Variants in TMPO observed in about 807,000 individuals in gnomAD.
The protein encoded by TMPO is thymopoietin.
In TMPO, 22 loss-of-function variants were observed where a neutral mutation model predicts 45.4. The ratio of observed to expected loss-of-function variants is 0.48; its 90% confidence interval spans 0.35 to 0.69. The LOEUF (loss-of-function observed/expected upper bound fraction) is 0.69, where lower values mean the gene tolerates loss of function less well. Among genes scored for constraint, TMPO ranks in the 30% least tolerant of loss-of-function variants. The pLI, the probability that TMPO is intolerant of heterozygous loss-of-function variation, is 0.01. For synonymous variants in TMPO, 241 were observed against 204.1 expected (o/e 1.18, Z -1.54); for missense variants, 512 against 548.8 (o/e 0.93, Z 0.67).
In TMPO at chr12:98,516,230, C is replaced by T. The variant is rs1401570843; in HGVS notation, c.279+84C>T. 3.1e-6 allele frequency: 4 copies of T among 1,305,926 alleles called. No individual in the cohort carries two copies. The African/African-American group carries it at 6.2e-5, about 20-fold the overall frequency. 80.9% of individuals were successfully genotyped at this position (1,305,926 alleles called of 1,614,324 possible). On this transcript the variant is annotated intron_variant, in intron 1 of 8. Transcript: ENST00000556029. ...GCCGCCGTTTGCAGCCCCTCCCTCC[C>T]GGGCGCCCCCTCGGGCCTCCCAGGT...
intron 1 of TMPO, among the ~76,000 whole-genome samples, chr12:98,518,374 C>T (rs995051349): frequency 4.6e-5 from 7 of 151,812 alleles, no homozygotes; most frequent in Non-Finnish European, 8.8e-5. Context: ...TTACTGCAGC[C>T]TCAAACTCTT....
rs1733972268 is a variant in TMPO at position 98,528,005 on chromosome 12, T to C, written c.399T>C (p.Pro133=). 1.9e-6 allele frequency: 3 copies of C among 1,613,790 alleles called. No homozygotes were observed. Among genetic ancestry groups the C allele is most frequent in the Non-Finnish European group, 2.5e-6 (3 of 1,179,910 alleles). ...QLVKYGVNPG[P]IVGTTRKLYE... ...TGAAATACGGAGTGAATCCTGGTCC[T>C]ATTGTGGGTAAGTTGATAAAATTTC... The change falls in exon 2 of 9, where the codon CCT becomes CCC. Residue 133 remains proline, a synonymous_variant. Transcript: ENST00000556029.
rs1051008185 is a variant in TMPO at position 98,526,807 on chromosome 12, A to G, written c.280-1079A>G. On this transcript the variant is annotated intron_variant, in intron 1 of 8. Coordinates refer to ENST00000556029, the MANE Select transcript of TMPO (RefSeq NM_001032283.3). ...ACCCCGTCTCTACTAAAAGTACAAA[A>G]ATTAGCTGGGCGTGGTGGCGCACAC... 2.6e-5 allele frequency among the ~76,000 whole-genome samples: 4 copies of G among 152,108 alleles called. 1 individual carries two copies. Among genetic ancestry groups the G allele is most frequent in the Admixed American group, 6.5e-5 (1 of 15,278 alleles).
rs562491966 is a variant in TMPO at position 98,518,831 on chromosome 12, CAT to C, written c.279+2688_279+2689del. Among the ~76,000 whole-genome samples, 645 of 151,908 alleles carry C rather than the reference CAT, an allele frequency of 4.2e-3. 11 individuals are homozygous for C. The highest frequency in any genetic ancestry group is 0.022 in the South Asian group (108 of 4,820). On this transcript the variant is annotated intron_variant, in intron 1 of 8. Transcript: ENST00000556029. ...TGTTTATTTACTTGTCTGTCCAACT[CAT>C]ATGTTAATTGAAGTTGGTTAGCATC...
Position 98,544,165 on chromosome 12 carries a change from G to C in TMPO, c.664-65G>C, listed in dbSNP as rs1177905885. The C allele has an allele frequency of 2.5e-6, 4 of 1,582,014 alleles. No individual in the cohort carries two copies. In the East Asian group the frequency reaches 6.8e-5, roughly 27 times the overall value. On this transcript the variant is annotated intron_variant, in intron 4 of 8. Coordinates refer to ENST00000556029, the MANE Select transcript of TMPO (RefSeq NM_001032283.3). ...TATTTCATGGCTTCTCAGTGTGCCA[G>C]TATGGCCGTTATTAAAGTATTTGAT...
chr12:98,538,897 C>T (rs1018767013), intron 4 of TMPO, among the ~76,000 whole-genome samples: 10 of 152,016 alleles, frequency 6.6e-5, no homozygotes, highest in Non-Finnish European at 1.3e-4. Flanking sequence ...GCTTCAGGAG[C>T]ATGCTGAAGA....
intron 2 of TMPO, among the ~76,000 whole-genome samples, chr12:98,531,105 A>AT (rs1877158782): frequency 6.6e-6 from 1 of 151,760 alleles, no homozygotes; most frequent in Non-Finnish European, 1.5e-5. Context: ...GGCCCAGCTA[A>AT]TTTTTTGTAT....
chr12:98,528,321 G>C (rs1170233787), intron 2 of TMPO, among the ~76,000 whole-genome samples: 1 of 150,386 alleles, frequency 6.6e-6, no homozygotes, highest in Non-Finnish European at 1.5e-5. Context: ...CTGTCGCCCA[G>C]GCTGTAGTGC....
chr12:98,528,073 TCTC>T (rs758083267), intron 2 of TMPO, 61 bp downstream of exon 2: 3 of 1,605,046 alleles, frequency 1.9e-6, no homozygotes, highest in Non-Finnish European at 2.6e-6. Flanking sequence ...CAAATTATTT[TCTC>T]CTTTTTGTTT....
intron 1 of TMPO, among the ~76,000 whole-genome samples, chr12:98,522,033 T>C: frequency 6.6e-6 from 1 of 151,864 alleles, no homozygotes; most frequent in African/African-American, 2.4e-5. Flanking sequence ...CCTGTCTGTG[T>C]GTTTGTTTGT....
intron 4 of TMPO, among the ~76,000 whole-genome samples, chr12:98,540,958 G>A (rs560996261): frequency 6.6e-6 from 1 of 152,264 alleles, no homozygotes; most frequent in Admixed American, 6.5e-5. Flanking sequence ...GGTTCTAACA[G>A]CCATTGTCAT....
chr12:98,543,950 G>A (rs915856616), intron 4 of TMPO, among the ~76,000 whole-genome samples: 2 of 152,162 alleles, frequency 1.3e-5, no homozygotes, highest in African/African-American at 2.4e-5. Context: ...GTCAAAAAGG[G>A]AACTGGTGAT....
At chr12:98,532,440 A>C (rs192945490) in intron 3 of TMPO, among the ~76,000 whole-genome samples, 9 of 152,246 alleles carry the variant, frequency 5.9e-5, no homozygotes, top group Admixed American at 4.6e-4. Flanking sequence ...AATTGTTCGC[A>C]GTTTTTGTTA....
intron 1 of TMPO, among the ~76,000 whole-genome samples, chr12:98,525,848 C>T (rs974518850): frequency 6.6e-6 from 1 of 151,770 alleles, no homozygotes; most frequent in Admixed American, 6.6e-5. Flanking sequence ...ACTGATTTTT[C>T]CCCCTAATAT....
At chr12:98,516,431 G>A (rs960622177) in intron 1 of TMPO, 64 of 1,166,066 alleles carry the variant, frequency 5.5e-5, no homozygotes, top group Non-Finnish European at 6.3e-5. Flanking sequence ...CGCTTCCCTG[G>A]ACCACCAGCC....
chr12:98,546,468 A>G, intron 8 of TMPO, 21 bp downstream of exon 8: 1 of 1,441,640 alleles, frequency 6.9e-7, no homozygotes, highest in South Asian at 1.1e-5. Flanking sequence ...ACATTTAAAC[A>G]AGTACTAGTG....
intron 2 of TMPO, among the ~76,000 whole-genome samples, chr12:98,529,745 G>T (rs1877053305): frequency 6.6e-6 from 1 of 151,968 alleles, no homozygotes; most frequent in Non-Finnish European, 1.5e-5. Flanking sequence ...TTTTTGTAGG[G>T]ATGGGGGCAC....
At chr12:98,525,697 C>T (rs376277784) in intron 1 of TMPO, among the ~76,000 whole-genome samples, 64 of 148,838 alleles carry the variant, frequency 4.3e-4, no homozygotes, top group African/African-American at 1.2e-3. Context: ...GCCAAGATTG[C>T]GCCACTGCAC....
Position 98,531,540 on chromosome 12 carries a change from A to G in TMPO, c.407-140A>G, listed in dbSNP as rs568348794. The G allele has an allele frequency of 6.4e-5, 59 of 914,738 alleles. No individual in the cohort carries two copies. In the South Asian group the frequency reaches 7.9e-4, roughly 12 times the overall value. 56.7% of individuals were successfully genotyped at this position (914,738 alleles called of 1,614,324 possible). On this transcript the variant is annotated intron_variant, in intron 2 of 8. Coordinates refer to ENST00000556029, the MANE Select transcript of TMPO (RefSeq NM_001032283.3). ...GTGAGCCACTATGTCTGGCCGCATTATATGGTATTTTTTTTTTTAAGAACT... is the reference window on the plus strand; with the variant it reads ...GTGAGCCACTATGTCTGGCCGCATTGTATGGTATTTTTTTTTTTAAGAACT...
Sources: gnomAD v4.1 joint callset for allele counts (sites outside exome capture counted in the v4.1 genomes callset) on GRCh38, gnomAD v4.1.1 for gene constraint, MANE v1.5 for transcripts, NCBI Gene and HGNC (gene_info 2026-07-23, HGNC 2026-07-21) for gene names.